CHST11: variants seen among roughly 807,000 people sequenced by gnomAD.
CHST11 encodes the protein C4S-1.
A neutral mutation model predicts 30.4 loss-of-function variants in CHST11; 9 were observed. The observed-to-expected ratio is 0.30, with a 90% CI of 0.18 to 0.52. CHST11 has a LOEUF of 0.52. Among genes scored for constraint, CHST11 ranks in the 20% least tolerant of loss-of-function variants. The pLI, the probability that CHST11 is intolerant of heterozygous loss-of-function variation, is 0.97. For missense variants in CHST11, 348 were observed against 460.6 expected, an observed-to-expected ratio of 0.76 and a Z score of 2.24; for synonymous variants, 152 against 187.8, an observed-to-expected ratio of 0.81 and a Z score of 1.56.
intron 1 of CHST11, among the ~76,000 whole-genome samples, chr12:104,558,198 T>C (rs1016617940): frequency 6.6e-6 from 1 of 152,060 alleles, no homozygotes; most frequent in African/African-American, 2.4e-5. Context: ...GAGCTGACGC[T>C]GTCCCTGCTG....
At chr12:104,571,761 G>A (rs1285590672) in intron 1 of CHST11, among the ~76,000 whole-genome samples, 1 of 152,228 alleles carries the variant, frequency 6.6e-6, no homozygotes, top group Non-Finnish European at 1.5e-5. Context: ...GCTATTAGGA[G>A]TGGTGACAGA....
At chr12:104,582,324 G>A (rs566968332) in intron 1 of CHST11, among the ~76,000 whole-genome samples, 1 of 152,256 alleles carries the variant, frequency 6.6e-6, no homozygotes, top group Admixed American at 6.5e-5. Flanking sequence ...CACCCTTAGA[G>A]CCTACCCTTG....
At chr12:104,655,209 T>G (rs1369765918) in intron 2 of CHST11, among the ~76,000 whole-genome samples, 1 of 152,228 alleles carries the variant, frequency 6.6e-6, no homozygotes, top group Non-Finnish European at 1.5e-5. Context: ...GGTGGAAGGG[T>G]GAGCGACTTC....
chr12:104,529,483 G>A (rs1371270799), intron 1 of CHST11, among the ~76,000 whole-genome samples: 13 of 152,160 alleles, frequency 8.5e-5, no homozygotes, highest in Non-Finnish European at 1.5e-5. Flanking sequence ...TTGACAGAGA[G>A]GCCCCAAATA....
At chr12:104,528,337 G>C (rs921224399) in intron 1 of CHST11, among the ~76,000 whole-genome samples, 3 of 152,136 alleles carry the variant, frequency 2.0e-5, no homozygotes, top group African/African-American at 7.2e-5. Flanking sequence ...AAAGCTAAAG[G>C]CTTCTTTGCC....
At chr12:104,698,575 T>G (rs2039967498) in intron 2 of CHST11, among the ~76,000 whole-genome samples, 1 of 152,236 alleles carries the variant, frequency 6.6e-6, no homozygotes, top group African/African-American at 2.4e-5. Context: ...CTGTGTCTGG[T>G]ATACAGAAGG....
At chr12:104,457,849 G>A (rs2037369793) in intron 1 of CHST11, among the ~76,000 whole-genome samples, 2 of 151,322 alleles carry the variant, frequency 1.3e-5, no homozygotes, top group African/African-American at 4.9e-5. Context: ...TGTCTGCGAG[G>A]TAGCAGGGAA....
At chr12:104,566,536 C>G (rs1398574752) in intron 1 of CHST11, among the ~76,000 whole-genome samples, 3 of 152,160 alleles carry the variant, frequency 2.0e-5, no homozygotes, top group African/African-American at 7.2e-5. Flanking sequence ...AACTTTGTGA[C>G]TTTCACCTGA....
intron 1 of CHST11, among the ~76,000 whole-genome samples, chr12:104,555,879 C>T (rs1213365346): frequency 2.0e-5 from 3 of 152,238 alleles, no homozygotes; most frequent in African/African-American, 7.2e-5. Flanking sequence ...GGGCGTCCAG[C>T]CCCTGCTGCT....
chr12:104,497,909 C>CTTTTTTTTTT (rs1205174607), intron 1 of CHST11, among the ~76,000 whole-genome samples: 1 of 75,676 alleles, frequency 1.3e-5, no homozygotes, highest in Non-Finnish European at 2.4e-5. Flanking sequence ...CCTGCCCCCT[C>CTTTTTTTTTT]TTTTTTTTTT....
At chr12:104,573,136 A>G (rs2038646121) in intron 1 of CHST11, among the ~76,000 whole-genome samples, 2 of 152,250 alleles carry the variant, frequency 1.3e-5, no homozygotes, top group Non-Finnish European at 2.9e-5. Context: ...TAAAATACCT[A>G]GGAATCCAAC....
At chr12:104,614,208 G>A (rs1380595978) in intron 2 of CHST11, among the ~76,000 whole-genome samples, 1 of 152,190 alleles carries the variant, frequency 6.6e-6, no homozygotes, top group Non-Finnish European at 1.5e-5. Context: ...GTCTGGGGAA[G>A]TTTGTGCTCT....
At chr12:104,580,671 A>G (rs570149205) in intron 1 of CHST11, among the ~76,000 whole-genome samples, 6 of 152,340 alleles carry the variant, frequency 3.9e-5, no homozygotes, top group African/African-American at 9.6e-5. Context: ...CTTCTAGGAT[A>G]TAGCTGGGCC....
intron 2 of CHST11, among the ~76,000 whole-genome samples, chr12:104,747,125 A>T (rs193216032): frequency 6.6e-6 from 1 of 152,282 alleles, no homozygotes; most frequent in African/African-American, 2.4e-5. Flanking sequence ...CTGGGGTGGG[A>T]CTCAGTCCTC....
intron 2 of CHST11, among the ~76,000 whole-genome samples, chr12:104,690,048 C>T (rs558318597): frequency 2.0e-5 from 3 of 152,178 alleles, no homozygotes; most frequent in African/African-American, 4.8e-5. Flanking sequence ...ATTGTCTCCC[C>T]ATTCAGGTGG....
intron 2 of CHST11, among the ~76,000 whole-genome samples, chr12:104,656,455 G>A (rs2039544708): frequency 6.6e-6 from 1 of 152,164 alleles, no homozygotes; most frequent in Non-Finnish European, 1.5e-5. Flanking sequence ...ACAGCACTCA[G>A]GCTCCGTCTC....
chr12:104,574,575 T>C (rs1406016990), intron 1 of CHST11, among the ~76,000 whole-genome samples: 5 of 152,086 alleles, frequency 3.3e-5, no homozygotes, highest in African/African-American at 1.2e-4. Flanking sequence ...TGGATGAAGC[T>C]GGAAACCATC....
At chr12:104,505,863 A>T in intron 1 of CHST11, among the ~76,000 whole-genome samples, 1 of 152,202 alleles carries the variant, frequency 6.6e-6, no homozygotes, top group East Asian at 1.9e-4. Context: ...TGCTATAAAA[A>T]AATAAGATGA....
intron 2 of CHST11, among the ~76,000 whole-genome samples, chr12:104,688,975 C>T (rs1719375335): frequency 6.6e-6 from 1 of 152,096 alleles, no homozygotes; most frequent in Admixed American, 6.6e-5. Context: ...GTGAAGGAGA[C>T]AAGCTATTGT....
Sources: gnomAD v4.1 joint callset for allele counts (sites outside exome capture counted in the v4.1 genomes callset) on GRCh38, gnomAD v4.1.1 for gene constraint, MANE v1.5 for transcripts, NCBI Gene and HGNC (gene_info 2026-07-23, HGNC 2026-07-21) for gene names.